The following MGAT4C variants were observed in gnomAD, a reference collection of about 807,000 sequenced individuals.
MGAT4C encodes MGAT4 family member C, also known as alpha-1,3-mannosyl-glycoprotein 4-beta-N-acetylglucosaminyltransferase C.
In MGAT4C, 19 loss-of-function variants were observed where a neutral mutation model predicts 40.1. That is an observed-to-expected ratio of 0.47 (90% CI 0.33 to 0.70). The LOEUF (loss-of-function observed/expected upper bound fraction) is 0.70. Ranked by LOEUF, MGAT4C falls within the 30% of genes least tolerant of loss-of-function variation. The pLI is 0.02. For missense variants in MGAT4C, 491 were observed against 563.2 expected, an observed-to-expected ratio of 0.87 and a Z score of 1.30; for synonymous variants, 181 against 187.1, an observed-to-expected ratio of 0.97 and a Z score of 0.27.
At chr12:86,315,533 T>A (rs1412449483) in intron 4 of MGAT4C, among the ~76,000 whole-genome samples, 1 of 105,858 alleles carries the variant, frequency 9.4e-6, no homozygotes, top group East Asian at 3.2e-4. Flanking sequence ...AAACCCCGTC[T>A]CTACTAAAAA....
At chr12:86,736,078 C>A (rs1950981247) in intron 1 of MGAT4C, among the ~76,000 whole-genome samples, 1 of 151,758 alleles carries the variant, frequency 6.6e-6, no homozygotes, top group Non-Finnish European at 1.5e-5. Flanking sequence ...TAGTTCTTTA[C>A]TCATTGTAAT....
chr12:86,286,735 C>G (rs1210985274), intron 4 of MGAT4C, among the ~76,000 whole-genome samples: 1 of 151,794 alleles, frequency 6.6e-6, no homozygotes, highest in African/African-American at 2.4e-5. Context: ...TCTCATTCCC[C>G]TCCCACCCCC....
intron 1 of MGAT4C, among the ~76,000 whole-genome samples, chr12:86,825,360 C>T (rs148583299): frequency 1.7e-3 from 253 of 151,064 alleles, no homozygotes; most frequent in African/African-American, 5.7e-3. Context: ...TTGCTATATA[C>T]GAGATAAACC....
intron 2 of MGAT4C, among the ~76,000 whole-genome samples, chr12:86,488,949 C>A (rs1592908456): frequency 6.6e-6 from 1 of 152,232 alleles, no homozygotes; most frequent in South Asian, 2.1e-4. Flanking sequence ...ACCCCACCTT[C>A]AAGCCAAAAA....
intron 1 of MGAT4C, among the ~76,000 whole-genome samples, chr12:86,185,802 G>A (rs144057881): frequency 1.3e-3 from 201 of 151,776 alleles, no homozygotes; most frequent in Admixed American, 2.0e-3. Flanking sequence ...GTAAGAACAC[G>A]AGTATTTTAC....
At chr12:86,123,578 A>G (rs748841078) in intron 1 of MGAT4C, among the ~76,000 whole-genome samples, 12 of 152,124 alleles carry the variant, frequency 7.9e-5, no homozygotes, top group East Asian at 1.9e-4. Flanking sequence ...AACATTTATT[A>G]CTGAGTGCTT....
intron 2 of MGAT4C, among the ~76,000 whole-genome samples, chr12:86,489,596 G>A (rs1958091945): frequency 6.6e-6 from 1 of 152,226 alleles, no homozygotes; most frequent in Non-Finnish European, 1.5e-5. Context: ...CAGGCACCCT[G>A]ACCTGGATGC....
intron 4 of MGAT4C, among the ~76,000 whole-genome samples, chr12:86,276,078 G>T (rs1392197008): frequency 6.7e-6 from 1 of 148,978 alleles, no homozygotes; most frequent in East Asian, 2.0e-4. Context: ...AGATTGCGCC[G>T]CTGCACTCCA....
At position 86,506,972 on chromosome 12, in the gene MGAT4C, G is replaced by A. The variant is rs968823735; in HGVS notation, c.-228-71707C>T. The stretch of plus-strand genomic sequence containing the variant: ...CCAAAATGTTATTGACCAGGATTGT[G>A]AAATGTGGCCATCTTAAAAGAATGC... On this transcript the variant is annotated intron_variant, in intron 2 of 7. Coordinates refer to the MGAT4C transcript ENST00000548651. Among the ~76,000 whole-genome samples, 3 of 152,258 alleles carry A rather than the reference G, an allele frequency of 2.0e-5. 1 individual carries two copies. Among genetic ancestry groups the A allele is most frequent in the East Asian group, 1.9e-4 (1 of 5,184 alleles).
intron 2 of MGAT4C, among the ~76,000 whole-genome samples, chr12:86,654,773 C>A (rs17014082): frequency 6.8e-6 from 1 of 146,636 alleles, no homozygotes; most frequent in African/African-American, 2.5e-5. Flanking sequence ...GAATTTTTCT[C>A]TGGGACGCTT....
At chr12:86,759,511 T>A (rs1054525194) in intron 1 of MGAT4C, among the ~76,000 whole-genome samples, 5 of 152,274 alleles carry the variant, frequency 3.3e-5, no homozygotes, top group South Asian at 2.1e-4. Context: ...AAGAAGTACA[T>A]AAAGTTCCCT....
chr12:86,345,263 T>G (rs1409430473), intron 3 of MGAT4C, among the ~76,000 whole-genome samples: 4 of 148,628 alleles, frequency 2.7e-5, no homozygotes, highest in African/African-American at 7.8e-5. Context: ...TTTATTTATT[T>G]TTATTTTATT....
intron 2 of MGAT4C, among the ~76,000 whole-genome samples, chr12:86,658,518 A>G (rs1470957646): frequency 6.6e-6 from 1 of 152,046 alleles, no homozygotes; most frequent in Non-Finnish European, 1.5e-5. Flanking sequence ...ATATCACAGT[A>G]ATTACTGTCA....
chr12:86,202,152 T>C (rs1199749325), intron 1 of MGAT4C, among the ~76,000 whole-genome samples: 2 of 152,148 alleles, frequency 1.3e-5, no homozygotes, highest in South Asian at 2.1e-4. Flanking sequence ...AATATAATGT[T>C]AAATAAAGCA....
At position 86,198,604 on chromosome 12, in the gene MGAT4C, C is replaced by A. The variant is rs545188084; in HGVS notation, c.-57+57635G>T. 7.9e-5 allele frequency among the ~76,000 whole-genome samples: 12 copies of A among 152,194 alleles called. 1 individual carries two copies. In the Middle Eastern group the frequency reaches 0.02, roughly 259 times the overall value. ...TTTTAAGTCAGTTTGAGTAGTTGTT[C>A]ATAAACTTTTATTTTTATAAATTGT... On this transcript the variant is annotated intron_variant, in intron 1 of 4. Coordinates refer to ENST00000611864, the MANE Select transcript of MGAT4C (RefSeq NM_001351288.2).
At chr12:85,983,210 T>C (rs889701276) in intron 4 of MGAT4C, among the ~76,000 whole-genome samples, 2 of 152,226 alleles carry the variant, frequency 1.3e-5, no homozygotes, top group African/African-American at 2.4e-5. Flanking sequence ...AATATGAACA[T>C]AGGAATTTTT....
intron 2 of MGAT4C, among the ~76,000 whole-genome samples, chr12:86,518,339 A>C (rs1159286607): frequency 6.6e-6 from 1 of 152,322 alleles, no homozygotes; most frequent in South Asian, 2.1e-4. Flanking sequence ...TACATATATA[A>C]CTTGAAAGTA....
At chr12:86,185,400 C>T (rs1054106074) in intron 1 of MGAT4C, among the ~76,000 whole-genome samples, 2 of 152,102 alleles carry the variant, frequency 1.3e-5, no homozygotes, top group African/African-American at 4.8e-5. Flanking sequence ...CAGTTTAGTA[C>T]TTGTATTTTA....
intron 4 of MGAT4C, among the ~76,000 whole-genome samples, chr12:85,982,603 A>T (rs575542489): frequency 2.4e-4 from 37 of 152,346 alleles, no homozygotes; most frequent in African/African-American, 8.7e-4. Context: ...TGCTAATTAG[A>T]TAATGGTACT....
Sources: gnomAD v4.1 joint callset for allele counts (sites outside exome capture counted in the v4.1 genomes callset) on GRCh38, gnomAD v4.1.1 for gene constraint, MANE v1.5 for transcripts, NCBI Gene and HGNC (gene_info 2026-07-23, HGNC 2026-07-21) for gene names.